Variants in SUGCT observed in about 807,000 individuals in gnomAD.
SUGCT encodes the protein succinyl-CoA:glutarate CoA-transferase.
SUGCT carries 41 observed loss-of-function variants against 55.0 expected under a neutral mutation model. The ratio of observed to expected loss-of-function variants is 0.74; its 90% CI spans 0.58 to 0.97. The LOEUF (loss-of-function observed/expected upper bound fraction) is 0.97, where lower values mean the gene tolerates loss of function less well. Ranked by LOEUF, SUGCT falls within the 50% of genes least tolerant of loss-of-function variation. SUGCT has a pLI of 0.00. For missense variants in SUGCT, 568 were observed against 547.8 expected (o/e 1.04, Z -0.37); for synonymous variants, 187 against 200.4 (o/e 0.93, Z 0.56).
At chr7:40,682,002 T>C (rs1398129965) in intron 12 of SUGCT, among the ~76,000 whole-genome samples, 2 of 152,192 alleles carry the variant, frequency 1.3e-5, no homozygotes, top group Non-Finnish European at 2.9e-5. Flanking sequence ...TGAGTTTCTA[T>C]AGAGAACCAA....
At chr7:40,237,059 G>A (rs543530930) in intron 6 of SUGCT, among the ~76,000 whole-genome samples, 12 of 151,750 alleles carry the variant, frequency 7.9e-5, no homozygotes, top group East Asian at 4.0e-4. Context: ...TCTTGAACTC[G>A]TGACCTCAAG....
chr7:40,745,670 A>G (rs185543358), intron 12 of SUGCT, among the ~76,000 whole-genome samples: 3 of 152,344 alleles, frequency 2.0e-5, no homozygotes, highest in East Asian at 1.9e-4. Flanking sequence ...TAGAAGAGCT[A>G]CTAAACCATG....
downstream of SUGCT, among the ~76,000 whole-genome samples, chr7:40,861,600 C>T (rs1006822875): frequency 6.6e-6 from 1 of 152,182 alleles, no homozygotes; most frequent in Non-Finnish European, 1.5e-5. Context: ...AGATGTTCAT[C>T]TTTCAAACTG....
At chr7:40,369,135 G>A (rs1371364399) in intron 9 of SUGCT, among the ~76,000 whole-genome samples, 2 of 151,828 alleles carry the variant, frequency 1.3e-5, no homozygotes, top group African/African-American at 4.8e-5. Flanking sequence ...CTTTTGAGTG[G>A]GGATTGAGTG....
intron 11 of SUGCT, among the ~76,000 whole-genome samples, chr7:40,495,847 T>C (rs1232294978): frequency 2.0e-5 from 3 of 152,224 alleles, no homozygotes; most frequent in African/African-American, 7.2e-5. Context: ...TGTGTACTTT[T>C]CCCAAAGCTT....
At chr7:40,676,977 G>A (rs1361987534) in intron 12 of SUGCT, among the ~76,000 whole-genome samples, 1 of 151,370 alleles carries the variant, frequency 6.6e-6, no homozygotes, top group African/African-American at 2.4e-5. Context: ...GCCATGAAGT[G>A]CCCACATAAG....
chr7:41,020,781 C>A, the SUGCT span, among the ~76,000 whole-genome samples: 1 of 152,116 alleles, frequency 6.6e-6, no homozygotes, highest in Admixed American at 6.5e-5. Flanking sequence ...CTGGATAAGT[C>A]ATAAGACCGT....
chr7:40,584,842 T>C (rs1797293144), intron 12 of SUGCT, among the ~76,000 whole-genome samples: 1 of 152,196 alleles, frequency 6.6e-6, no homozygotes, highest in African/African-American at 2.4e-5. Flanking sequence ...GTGATAGTAA[T>C]GACTCTGACT....
At chr7:40,403,458 G>A (rs1786191694) in intron 9 of SUGCT, among the ~76,000 whole-genome samples, 1 of 152,122 alleles carries the variant, frequency 6.6e-6, no homozygotes, top group Admixed American at 6.6e-5. Context: ...TTTGCTAGAG[G>A]GACTGTAAGC....
intron 12 of SUGCT, among the ~76,000 whole-genome samples, chr7:40,689,199 A>G (rs1784584785): frequency 6.6e-6 from 1 of 152,186 alleles, no homozygotes. Flanking sequence ...TGTGTTTACT[A>G]ATTTTTAGCC....
chr7:40,339,547 G>C (rs111712309), intron 9 of SUGCT, among the ~76,000 whole-genome samples: 1 of 152,216 alleles, frequency 6.6e-6, no homozygotes, highest in South Asian at 2.1e-4. Context: ...CTCTGAGCCA[G>C]GTGTGGGATA....
At chr7:40,552,494 C>T (rs1019836378) in intron 12 of SUGCT, among the ~76,000 whole-genome samples, 1 of 152,084 alleles carries the variant, frequency 6.6e-6, no homozygotes, top group South Asian at 2.1e-4. Context: ...CCTGCGAGGA[C>T]AGCTGGAATG....
At chr7:40,650,123 G>A (rs1023629459) in intron 12 of SUGCT, among the ~76,000 whole-genome samples, 3 of 152,182 alleles carry the variant, frequency 2.0e-5, no homozygotes, top group Non-Finnish European at 4.4e-5. Flanking sequence ...GTTCTGCACA[G>A]GCTCTTGGAT....
chr7:40,509,868 G>GA (rs1216821827), intron 12 of SUGCT, among the ~76,000 whole-genome samples: 1 of 152,180 alleles, frequency 6.6e-6, no homozygotes. Context: ...TTAGAGCTGT[G>GA]TTCAGTGGGA....
chr7:40,383,794 G>T (rs1272268171), intron 9 of SUGCT, among the ~76,000 whole-genome samples: 1 of 152,202 alleles, frequency 6.6e-6, no homozygotes, highest in African/African-American at 2.4e-5. Context: ...AAAGCAAGAA[G>T]TTCGTCAGGG....
the SUGCT span, among the ~76,000 whole-genome samples, chr7:40,994,319 G>A: frequency 6.6e-6 from 1 of 152,128 alleles, no homozygotes; most frequent in African/African-American, 2.4e-5. Context: ...ATTAAAACTA[G>A]ATTGAGAATA....
At chr7:40,297,580 TA>T (rs140618040) in intron 8 of SUGCT, among the ~76,000 whole-genome samples, 2,525 of 152,276 alleles carry the variant, frequency 0.017, 58 homozygotes, top group African/African-American at 0.058. Context: ...CCTCTTTCGC[TA>T]AAAGAGATCT....
the SUGCT span, among the ~76,000 whole-genome samples, chr7:40,881,400 CAAT>C: frequency 0.014 from 2,066 of 152,214 alleles, 47 homozygotes; most frequent in African/African-American, 0.047. Flanking sequence ...TCTGGGGACT[CAAT>C]GATGTACAGA....
chr7:40,164,827 T>C (rs1323225699), intron 1 of SUGCT, among the ~76,000 whole-genome samples: 1 of 152,208 alleles, frequency 6.6e-6, no homozygotes, highest in African/African-American at 2.4e-5. Context: ...TCTTTTACTC[T>C]CCTTTTCCAC....
Sources: gnomAD v4.1 joint callset for allele counts (sites outside exome capture counted in the v4.1 genomes callset) on GRCh38, gnomAD v4.1.1 for gene constraint, MANE v1.5 for transcripts, NCBI Gene and HGNC (gene_info 2026-07-23, HGNC 2026-07-21) for gene names.